PCDHGA7: variants seen among roughly 807,000 people sequenced by gnomAD.
PCDHGA7 encodes protocadherin gamma subfamily A, 7.
Under a neutral mutation model 58.3 loss-of-function variants are expected in PCDHGA7, and 44 were observed. The ratio of observed to expected loss-of-function variants is 0.75; its 90% CI spans 0.59 to 0.97. The LOEUF (loss-of-function observed/expected upper bound fraction) is 0.97, where lower values mean the gene tolerates loss of function less well. PCDHGA7 is among the 50% of genes least tolerant of loss of function. PCDHGA7 has a pLI of 0.00. For synonymous variants in PCDHGA7, 516 were observed against 504.2 expected, an observed-to-expected ratio of 1.02 and a Z score of -0.31; for missense variants, 1,266 against 1,188.7, an observed-to-expected ratio of 1.06 and a Z score of -0.96.
rs749121255 is a variant in PCDHGA7 at position 141,415,427 on chromosome 5, G to A, written c.2424+30104G>A. 3.1e-6 allele frequency: 5 copies of A among 1,614,050 alleles called. No homozygotes were observed. Among genetic ancestry groups the A allele is most frequent in the African/African-American group, 1.3e-5 (1 of 74,926 alleles). ...CACTTTGTGGGCGTGGACGGGGTTC[G>A]GGCTTTCCTGCAGACCTATTCCCAC... is the stretch of plus-strand genomic sequence containing the variant. On this transcript the variant is annotated intron_variant, in intron 1 of 3. Transcript: ENST00000518325.
intron 1 of PCDHGA7, among the ~76,000 whole-genome samples, chr5:141,443,812 G>A (rs1441798548): frequency 6.6e-6 from 1 of 151,990 alleles, no homozygotes; most frequent in Admixed American, 6.6e-5. Flanking sequence ...AGTTACCTTT[G>A]GAAAACATAA....
At chr5:141,414,015 A>C in intron 1 of PCDHGA7, 1 of 1,613,160 alleles carries the variant, frequency 6.2e-7, no homozygotes, top group South Asian at 1.1e-5. Context: ...CCAATGGAGA[A>C]GTGACATATT....
intron 1 of PCDHGA7, among the ~76,000 whole-genome samples, chr5:141,436,538 A>G (rs1353206648): frequency 6.6e-6 from 1 of 152,194 alleles, no homozygotes; most frequent in Admixed American, 6.5e-5. Context: ...CAAGTTATTT[A>G]ATCTCTTTGA....
At chr5:141,408,527 G>A in intron 1 of PCDHGA7, 1 of 1,614,072 alleles carries the variant, frequency 6.2e-7, no homozygotes, top group South Asian at 1.1e-5. Flanking sequence ...ATTGGAAGCT[G>A]TGGTGGAAAA....
At chr5:141,424,610 ATAGAG>A (rs1374272828) in intron 1 of PCDHGA7, 2 of 152,216 alleles carry the variant, frequency 1.3e-5, no homozygotes, top group African/African-American at 4.8e-5. Flanking sequence ...ATTTATTCAA[ATAGAG>A]TAGTTTGTGA....
chr5:141,401,654 G>T (rs566223613), intron 1 of PCDHGA7, among the ~76,000 whole-genome samples: 52 of 152,328 alleles, frequency 3.4e-4, no homozygotes, highest in Middle Eastern at 3.4e-3. Flanking sequence ...TAAATGACTG[G>T]ATGTTTTCTC....
rs772328241 is a variant in PCDHGA7 at position 141,491,340 on chromosome 5, C to A, written c.2425-3467C>A. On this transcript the variant is annotated intron_variant, in intron 1 of 3. Coordinates refer to ENST00000518325, the MANE Select transcript of PCDHGA7 (RefSeq NM_018920.4). The surrounding 1 kb of genome is among the most constrained non-coding windows in gnomAD (Gnocchi z 6.9). ...TTTACCTCATTGTGGCTCTAGCGACCGTCAGTCTCTTATCCCTAGTCACCT... is the reference window on the plus strand; with the variant it reads ...TTTACCTCATTGTGGCTCTAGCGACAGTCAGTCTCTTATCCCTAGTCACCT... 4.3e-6 allele frequency: 7 copies of A among 1,614,146 alleles called. No homozygotes were observed. Among genetic ancestry groups the A allele is most frequent in the Non-Finnish European group, 5.9e-6 (7 of 1,180,014 alleles).
chr5:141,393,126 A>C (rs1216742718), intron 1 of PCDHGA7: 1 of 1,613,316 alleles, frequency 6.2e-7, no homozygotes, highest in East Asian at 2.2e-5. Context: ...GTGTCTGATA[A>C]ATATTAACAC....
At chr5:141,389,681 C>G in intron 1 of PCDHGA7, 5 of 1,612,438 alleles carry the variant, frequency 3.1e-6, no homozygotes, top group Non-Finnish European at 4.2e-6. Context: ...CAGGACACAA[C>G]GCCTGGCTGT....
intron 1 of PCDHGA7, among the ~76,000 whole-genome samples, chr5:141,397,615 C>A (rs2093545668): frequency 6.6e-6 from 1 of 152,144 alleles, no homozygotes; most frequent in Admixed American, 6.5e-5. Context: ...AAGGGCAATA[C>A]TTAGTTCTAG....
chr5:141,507,691 A>G (rs777728143), intron 3 of PCDHGA7, among the ~76,000 whole-genome samples: 72 of 152,198 alleles, frequency 4.7e-4, no homozygotes, highest in Non-Finnish European at 6.8e-4. Context: ...CAGAAATGAA[A>G]TCAGTATTTA....
At chr5:141,403,501 G>A in intron 1 of PCDHGA7, 1 of 1,614,048 alleles carries the variant, frequency 6.2e-7, no homozygotes, top group South Asian at 1.1e-5. Context: ...TGAACGTGCA[G>A]ACTGGAGACA....
chr5:141,404,879 G>C (rs770577946), intron 1 of PCDHGA7: 1 of 1,613,906 alleles, frequency 6.2e-7, no homozygotes, highest in Non-Finnish European at 8.5e-7. Flanking sequence ...ACAGAGCCTT[G>C]TGGTGGCTGT....
intron 1 of PCDHGA7, among the ~76,000 whole-genome samples, chr5:141,430,014 G>A (rs925858697): frequency 6.6e-6 from 1 of 152,130 alleles, no homozygotes; most frequent in South Asian, 2.1e-4. Context: ...TTTCACTTGG[G>A]TTCTTGTTAA....
At chr5:141,441,981 C>A in intron 1 of PCDHGA7, 1 of 278,140 alleles carries the variant, frequency 3.6e-6, no homozygotes, top group South Asian at 3.6e-5. Context: ...GCCTGGAATG[C>A]GCACCGACGA....
intron 1 of PCDHGA7, among the ~76,000 whole-genome samples, chr5:141,436,410 G>T (rs2154557099): frequency 6.6e-6 from 1 of 152,200 alleles, no homozygotes; most frequent in East Asian, 1.9e-4. Flanking sequence ...TTGAATGAAT[G>T]GATAAACAAA....
chr5:141,470,538 A>G (rs2099232733), intron 1 of PCDHGA7, among the ~76,000 whole-genome samples: 1 of 152,140 alleles, frequency 6.6e-6, no homozygotes, highest in African/African-American at 2.4e-5. Context: ...GTATCAGGTA[A>G]TATTTATTGA....
chr5:141,446,423 T>C (rs745968692), intron 1 of PCDHGA7, among the ~76,000 whole-genome samples: 1 of 152,152 alleles, frequency 6.6e-6, no homozygotes, highest in Non-Finnish European at 1.5e-5. Context: ...CATGTTCATT[T>C]GAAGGATCTG....
intron 1 of PCDHGA7, among the ~76,000 whole-genome samples, chr5:141,397,616 T>G (rs918214976): frequency 2.0e-5 from 3 of 152,194 alleles, no homozygotes; most frequent in Non-Finnish European, 4.4e-5. Context: ...AGGGCAATAC[T>G]TAGTTCTAGC....
Sources: gnomAD v4.1 joint callset for allele counts (sites outside exome capture counted in the v4.1 genomes callset) on GRCh38, gnomAD v4.1.1 for gene constraint, Gnocchi (gnomAD v3.1) non-coding constraint, MANE v1.5 for transcripts, NCBI Gene and HGNC (gene_info 2026-07-23, HGNC 2026-07-21) for gene names.